The following CDK8 variants were observed in gnomAD, a reference collection of about 807,000 sequenced individuals.
CDK8 encodes the protein cyclin dependent kinase 8.
In CDK8, 29 loss-of-function variants were observed where a neutral mutation model predicts 71.5. That is an observed-to-expected ratio of 0.41 (90% CI 0.30 to 0.55). The LOEUF is 0.55. CDK8 is among the 20% of genes least tolerant of loss of function. CDK8 has a pLI of 0.37. For synonymous variants in CDK8, 161 were observed against 192.1 expected (o/e 0.84, Z 1.34); for missense variants, 288 against 572.6 (o/e 0.50, Z 5.07).
At chr13:26,372,286 T>G (rs1874727166) in intron 4 of CDK8, among the ~76,000 whole-genome samples, 1 of 152,214 alleles carries the variant, frequency 6.6e-6, no homozygotes, top group Admixed American at 6.5e-5. Flanking sequence ...CATTGCAAAT[T>G]GAAACACCTC....
chr13:26,392,465 C>T (rs1280628832), intron 6 of CDK8, among the ~76,000 whole-genome samples: 2 of 151,318 alleles, frequency 1.3e-5, no homozygotes, highest in Admixed American at 1.3e-4. Flanking sequence ...GTAGCTGGGA[C>T]TATAGCCGCG....
rs190011642 is a variant in CDK8 at position 26,385,196 on chromosome 13, T to A, written c.515-15T>A. The A allele has an allele frequency of 1.5e-5, 23 of 1,582,698 alleles. No individual in the cohort carries two copies. The highest frequency in any genetic ancestry group is 6.7e-5 in the East Asian group (3 of 44,730). On this transcript the variant is annotated splice_polypyrimidine_tract_variant and intron_variant, in intron 5 of 12. Transcript: ENST00000381527. ...ATCATTTACTTAGCATGATTTTTTTTTTATTATTTTACAGCTGACATGGGC... is the reference window on the plus strand; with the variant it reads ...ATCATTTACTTAGCATGATTTTTTTATTATTATTTTACAGCTGACATGGGC...
rs1873403883 is a variant in CDK8 at position 26,345,001 on chromosome 13, A to G, written c.205-4071A>G. Among the ~76,000 whole-genome samples the G allele has an allele frequency of 3.3e-5, 5 of 152,342 alleles. No individual in the cohort carries two copies. In the South Asian group the frequency reaches 1.0e-3, roughly 32 times the overall value. On this transcript the variant is annotated intron_variant, in intron 2 of 12. Coordinates refer to ENST00000381527, the MANE Select transcript of CDK8 (RefSeq NM_001260.3). Reference sequence around the variant, plus strand: ...ATATAATGATATTTGCTAGACTTGTATGAGACTGGCAGCGTGATACATGTA... The same window carrying G: ...ATATAATGATATTTGCTAGACTTGTGTGAGACTGGCAGCGTGATACATGTA...
intron 1 of CDK8, among the ~76,000 whole-genome samples, chr13:26,323,958 A>G (rs921617375): frequency 1.1e-4 from 16 of 152,136 alleles, no homozygotes. Flanking sequence ...CTTAATCACT[A>G]TGCCAGACTG....
chr13:26,290,978 G>T (rs762539961), intron 1 of CDK8, among the ~76,000 whole-genome samples: 1 of 151,964 alleles, frequency 6.6e-6, no homozygotes, highest in Non-Finnish European at 1.5e-5. Context: ...AATTAGCTGG[G>T]CATGGTGGCG....
rs769400877 is a variant in CDK8, at chr13:26,401,615, A to G, written c.1260A>G (p.Ser420=). 3.7e-6 allele frequency: 6 copies of G among 1,613,980 alleles called. No homozygotes were observed. In the Admixed American group the frequency reaches 6.7e-5, roughly 18 times the overall value. The change falls in exon 12 of 13, where the codon TCA becomes TCG. Residue 420 remains serine, a synonymous_variant. Transcript: ENST00000381527. This position sits in a 1 kb window ranked among gnomAD's most constrained non-coding sequence, Gnocchi z 4.5. ...CCTCAGGTGGACTTATCATGACCTC[A>G]GACTATCAGGTATTCCAAGTTTATT... ...TTTSGGLIMT[S]DYQRSNPHAA... is the part of the protein sequence containing the mutation.
chr13:26,396,267 TATCA>T lies in CDK8; in HGVS notation c.791-15_791-12del, dbSNP rs1160426394. The T allele has an allele frequency of 8.9e-7, 1 of 1,129,492 alleles. No homozygotes were observed. The highest frequency in any genetic ancestry group is 1.3e-6 in the Non-Finnish European group (1 of 791,584). 70.0% of individuals were successfully genotyped at this position (1,129,492 alleles called of 1,614,324 possible). A position where few individuals can be genotyped will look rare whatever the true frequency, so the allele number is the denominator to read the frequency against. ...TAGGAACTTAGGCAACATAAAAATT[TATCA>T]ATGTATTTCACAGATAAAGATTGGG... On this transcript the variant is annotated splice_polypyrimidine_tract_variant and intron_variant, in intron 7 of 12. Transcript: ENST00000381527.
At chr13:26,382,921 T>G (rs750174273) in intron 5 of CDK8, 50 bp downstream of exon 5, 2 of 1,231,060 alleles carry the variant, frequency 1.6e-6, no homozygotes, top group Non-Finnish European at 2.3e-6. Context: ...TTAAAACTTT[T>G]GCAGGCAGCT....
At chr13:26,266,223 A>G (rs1452389684) in intron 1 of CDK8, among the ~76,000 whole-genome samples, 1 of 152,224 alleles carries the variant, frequency 6.6e-6, no homozygotes, top group African/African-American at 2.4e-5. Flanking sequence ...AGAAATGTGC[A>G]TTAGGCAGAT....
chr13:26,373,093 G>A (rs769844492), intron 4 of CDK8, among the ~76,000 whole-genome samples: 3 of 152,108 alleles, frequency 2.0e-5, no homozygotes, highest in African/African-American at 2.4e-5. Context: ...TACCACATAC[G>A]TAAGTAACCC....
intron 1 of CDK8, among the ~76,000 whole-genome samples, chr13:26,332,079 T>TCTAGAATCTCTAGAAATCAA (rs1872782724): frequency 6.6e-6 from 1 of 152,180 alleles, no homozygotes; most frequent in Non-Finnish European, 1.5e-5. Flanking sequence ...GCTTTTTAAG[T>TCTAGAATCTCTAGAAATCAA]GAGATTGACT....
rs1339343513 is a variant in CDK8, at chr13:26,329,896, G to A, written c.129-7671G>A. On this transcript the variant is annotated intron_variant, in intron 1 of 12. Coordinates refer to ENST00000381527, the MANE Select transcript of CDK8 (RefSeq NM_001260.3). ...AGTGATATTAAACTACTTGCTGCTAGTCTTTACTATTCTCTGAGCATGGCA... is the reference window on the plus strand; with the variant it reads ...AGTGATATTAAACTACTTGCTGCTAATCTTTACTATTCTCTGAGCATGGCA... 5.3e-5 allele frequency among the ~76,000 whole-genome samples: 8 copies of A among 152,124 alleles called. No individual in the cohort carries two copies. The South Asian group carries it at 1.4e-3, about 28-fold the overall frequency.
At chr13:26,399,600 T>C (rs1400337703) in intron 9 of CDK8, among the ~76,000 whole-genome samples, 1 of 152,242 alleles carries the variant, frequency 6.6e-6, no homozygotes, top group Non-Finnish European at 1.5e-5. Flanking sequence ...TAAAAAATAC[T>C]GAATCTTCAC....
intron 4 of CDK8, among the ~76,000 whole-genome samples, chr13:26,377,895 C>CT (rs1482221320): frequency 6.6e-6 from 1 of 152,154 alleles, no homozygotes; most frequent in African/African-American, 2.4e-5. Flanking sequence ...CATAGAGTAA[C>CT]TAGAAAGTTT....
chr13:26,373,514 G>C (rs1477014120), intron 4 of CDK8, among the ~76,000 whole-genome samples: 4 of 152,050 alleles, frequency 2.6e-5, no homozygotes, highest in Non-Finnish European at 4.4e-5. Flanking sequence ...TATAAAGAAT[G>C]GTGCAAGGGC....
At chr13:26,336,596 C>A (rs1327000377) in intron 1 of CDK8, among the ~76,000 whole-genome samples, 1 of 147,164 alleles carries the variant, frequency 6.8e-6, no homozygotes, top group Admixed American at 6.8e-5. Context: ...CTCTGTCGCC[C>A]AGGCTGGACT....
intron 1 of CDK8, among the ~76,000 whole-genome samples, chr13:26,296,070 G>A (rs1411318991): frequency 6.6e-6 from 1 of 152,136 alleles, no homozygotes; most frequent in Admixed American, 6.5e-5. Flanking sequence ...TTTTAGCCAG[G>A]AGCCAAGAGT....
At chr13:26,365,654 T>G (rs530321047) in intron 4 of CDK8, among the ~76,000 whole-genome samples, 1 of 152,186 alleles carries the variant, frequency 6.6e-6, no homozygotes, top group South Asian at 2.1e-4. Context: ...GTTATCTGAG[T>G]TTTTCTCCAT....
chr13:26,279,684 A>G (rs1231912363), intron 1 of CDK8, among the ~76,000 whole-genome samples: 1 of 152,242 alleles, frequency 6.6e-6, no homozygotes, highest in African/African-American at 2.4e-5. Flanking sequence ...ATTAATAAAA[A>G]TTAAGTTCAG....
Sources: allele counts gnomAD v4.1 joint callset (sites outside exome capture counted in the v4.1 genomes callset), GRCh38; gene constraint gnomAD v4.1.1; non-coding constraint Gnocchi (gnomAD v3.1); transcripts MANE v1.5; gene names NCBI Gene and HGNC (gene_info 2026-07-23, HGNC 2026-07-21).